CEP112: variants seen among roughly 807,000 people sequenced by gnomAD.
CEP112 encodes the protein centrosomal protein of 112 kDa.
A neutral mutation model predicts 153.0 loss-of-function variants in CEP112; 127 were observed. The observed-to-expected ratio is 0.83, with a 90% CI of 0.72 to 0.96. CEP112 has a LOEUF of 0.96. CEP112 is among the 40% of genes least tolerant of loss of function. CEP112 has a pLI of 0.00. For missense variants in CEP112, 1,089 were observed against 1,101.2 expected (o/e 0.99, Z 0.16); for synonymous variants, 358 against 374.4 (o/e 0.96, Z 0.51).
intron 19 of CEP112, among the ~76,000 whole-genome samples, chr17:65,908,571 G>A (rs2060168354): frequency 6.6e-6 from 1 of 151,976 alleles, no homozygotes; most frequent in Admixed American, 6.6e-5. Flanking sequence ...GTGTATGCAC[G>A]CAATCCCAGC....
chr17:65,637,324 T>G (rs1044398358), intron 25 of CEP112, 136 bp from the exon 26 acceptor site: 7 of 680,064 alleles, frequency 1.0e-5, no homozygotes, highest in Non-Finnish European at 1.8e-5. Context: ...ATGTCAATGT[T>G]GTGTTTTTTA....
chr17:66,116,259 A>G (rs866492493), intron 6 of CEP112, among the ~76,000 whole-genome samples: 5 of 151,628 alleles, frequency 3.3e-5, no homozygotes, highest in African/African-American at 1.2e-4. Flanking sequence ...TCTTTTCAAC[A>G]ATTAACATTT....
chr17:65,986,614 T>C (rs2063416707), intron 17 of CEP112, among the ~76,000 whole-genome samples: 1 of 152,156 alleles, frequency 6.6e-6, no homozygotes, highest in African/African-American at 2.4e-5. Flanking sequence ...TAAAGGAATA[T>C]ACTTGGACAC....
intron 16 of CEP112, among the ~76,000 whole-genome samples, chr17:66,016,098 C>T (rs894483580): frequency 1.4e-4 from 22 of 152,152 alleles, no homozygotes; most frequent in Admixed American, 1.4e-3. Context: ...CACTTCATCC[C>T]TTTCTTTCCT....
intron 8 of CEP112, among the ~76,000 whole-genome samples, chr17:66,083,222 T>C (rs779907751): frequency 9.2e-5 from 14 of 152,104 alleles, no homozygotes; most frequent in Middle Eastern, 3.2e-3. Context: ...ATAAGTCTCA[T>C]GAGATCTGAT....
At chr17:66,140,187 T>C (rs2100084159) in intron 4 of CEP112, among the ~76,000 whole-genome samples, 1 of 152,192 alleles carries the variant, frequency 6.6e-6, no homozygotes, top group Admixed American at 6.5e-5. Context: ...TATATGATCA[T>C]TTGGATCGAT....
Position 66,053,813 on chromosome 17 carries a change from T to A in CEP112, c.1141A>T (p.Ile381Phe), listed in dbSNP as rs373745714. 2 of 1,613,074 alleles carry A rather than the reference T, an allele frequency of 1.2e-6. No individual in the cohort carries two copies. Among genetic ancestry groups the A allele is most frequent in the African/African-American group, 2.7e-5 (2 of 75,054 alleles). Reference sequence around the variant, plus strand: ...TTTGTATCCTCAAGCAATTCTTGAATGTTTTCAGTGTGTTGCTTTTGAAGA... The same window carrying A: ...TTTGTATCCTCAAGCAATTCTTGAAAGTTTTCAGTGTGTTGCTTTTGAAGA... Reference protein sequence around the residue: ...FDLQKQHTENIQELLEDTNVR... With the variant: ...FDLQKQHTENFQELLEDTNVR... The change falls in exon 12 of 27, where the codon ATT becomes TTT. Residue 381 changes from isoleucine (I) to phenylalanine (F), a missense_variant. By Grantham distance (21) the Ile-to-Phe change is conservative (BLOSUM62 0). Transcript: ENST00000535342.
At chr17:65,708,522 T>C (rs1388407991) in intron 23 of CEP112, among the ~76,000 whole-genome samples, 1 of 152,172 alleles carries the variant, frequency 6.6e-6, no homozygotes, top group Admixed American at 6.5e-5. Context: ...AACTGGCACG[T>C]TGGCTCTGTA....
chr17:65,722,774 A>G (rs538345152), intron 23 of CEP112, among the ~76,000 whole-genome samples: 5 of 152,374 alleles, frequency 3.3e-5, no homozygotes, highest in Middle Eastern at 3.4e-3. Context: ...GAAAACTGCC[A>G]TTTAGAAGAA....
At chr17:66,093,505 T>C (rs1282601315) in intron 8 of CEP112, among the ~76,000 whole-genome samples, 3 of 150,646 alleles carry the variant, frequency 2.0e-5, no homozygotes, top group Admixed American at 1.3e-4. Context: ...AAAATCAACA[T>C]ACAAAAATCA....
intron 21 of CEP112, 41 bp from the exon 22 acceptor site, chr17:65,750,765 T>G (rs2051788488): frequency 1.3e-6 from 2 of 1,585,546 alleles, no homozygotes; most frequent in East Asian, 4.5e-5. Flanking sequence ...CAGTGACCTG[T>G]GAGCTTGGTA....
chr17:65,831,040 T>G (rs1260606654), intron 21 of CEP112, among the ~76,000 whole-genome samples: 1 of 152,214 alleles, frequency 6.6e-6, no homozygotes, highest in Non-Finnish European at 1.5e-5. Context: ...CAGGCCAGCA[T>G]TTAACTTCTG....
intron 21 of CEP112, chr17:65,750,957 A>C (rs2051809006): frequency 2.3e-6 from 1 of 440,162 alleles, no homozygotes; most frequent in Admixed American, 3.9e-5. Flanking sequence ...ACTTCTGTGG[A>C]TAGAAAGAGA....
At chr17:65,888,299 G>A (rs1314671004) in intron 20 of CEP112, among the ~76,000 whole-genome samples, 1 of 152,146 alleles carries the variant, frequency 6.6e-6, no homozygotes, top group Non-Finnish European at 1.5e-5. Flanking sequence ...CTGGCTTGGG[G>A]TACAGGGCAG....
chr17:65,739,187 C>T (rs1374870973), intron 23 of CEP112, among the ~76,000 whole-genome samples: 1 of 152,234 alleles, frequency 6.6e-6, no homozygotes, highest in African/African-American at 2.4e-5. Context: ...CTGAATGTAA[C>T]CTCATGAGGC....
At chr17:65,986,592 C>A (rs1025641054) in intron 17 of CEP112, among the ~76,000 whole-genome samples, 3 of 152,146 alleles carry the variant, frequency 2.0e-5, no homozygotes, top group African/African-American at 7.2e-5. Flanking sequence ...AGGGAGCCAT[C>A]ATCTCCACAG....
chr17:65,783,608 G>A (rs1162315178), intron 21 of CEP112, among the ~76,000 whole-genome samples: 2 of 152,184 alleles, frequency 1.3e-5, no homozygotes, highest in Non-Finnish European at 2.9e-5. Context: ...ATGACTTAGA[G>A]TGTATCTAGT....
intron 19 of CEP112, among the ~76,000 whole-genome samples, chr17:65,910,996 T>C (rs1303813161): frequency 6.6e-6 from 1 of 152,096 alleles, no homozygotes; most frequent in Non-Finnish European, 1.5e-5. Context: ...CAAAAGGCAA[T>C]GGATGATGTG....
intron 9 of CEP112, among the ~76,000 whole-genome samples, chr17:66,068,402 T>G (rs1463324252): frequency 2.0e-5 from 3 of 152,036 alleles, no homozygotes; most frequent in African/African-American, 7.2e-5. Context: ...ATCATGCCTG[T>G]GAATAGCCAC....
Sources: gnomAD v4.1 joint callset for allele counts (sites outside exome capture counted in the v4.1 genomes callset) on GRCh38, gnomAD v4.1.1 for gene constraint, MANE v1.5 for transcripts, NCBI Gene and HGNC (gene_info 2026-07-23, HGNC 2026-07-21) for gene names.